ZNF704: variants seen among roughly 807,000 people sequenced by gnomAD.
The protein encoded by ZNF704 is zinc finger protein 704.
In ZNF704, 10 loss-of-function variants were observed where a neutral mutation model predicts 44.7. That is an observed-to-expected ratio of 0.22 (90% CI 0.14 to 0.38). The LOEUF (loss-of-function observed/expected upper bound fraction) is 0.38, where lower values mean the gene tolerates loss of function less well. ZNF704 is among the 10% of genes least tolerant of loss of function. ZNF704 has a pLI of 1.00. For synonymous variants in ZNF704, 211 were observed against 207.6 expected (o/e 1.02, Z -0.14); for missense variants, 390 against 545.5 (o/e 0.71, Z 2.84).
At chr8:80,696,942 GT>G (rs1818735925) in intron 2 of ZNF704, among the ~76,000 whole-genome samples, 1 of 152,188 alleles carries the variant, frequency 6.6e-6, no homozygotes, top group Non-Finnish European at 1.5e-5. Context: ...TGTCACGTTG[GT>G]GCTCAAAAAG....
chr8:80,836,655 C>A (rs950631261), intron 1 of ZNF704, among the ~76,000 whole-genome samples: 2 of 151,950 alleles, frequency 1.3e-5, no homozygotes, highest in African/African-American at 4.8e-5. Context: ...CATGGTGGTA[C>A]GTGCCTTTAG....
chr8:80,756,631 A>T (rs1807040776), intron 2 of ZNF704, among the ~76,000 whole-genome samples: 1 of 152,206 alleles, frequency 6.6e-6, no homozygotes, highest in South Asian at 2.1e-4. Flanking sequence ...CCTAAAGAAC[A>T]TGTCTTATTA....
At chr8:80,815,436 A>AC (rs1404976027) in intron 2 of ZNF704, among the ~76,000 whole-genome samples, 1 of 152,254 alleles carries the variant, frequency 6.6e-6, no homozygotes, top group African/African-American at 2.4e-5. Context: ...AAGCATCAGT[A>AC]CCTTCAAAAC....
intron 2 of ZNF704, among the ~76,000 whole-genome samples, chr8:80,713,626 G>C (rs1168285076): frequency 6.6e-6 from 1 of 152,326 alleles, no homozygotes; most frequent in East Asian, 1.9e-4. Context: ...GAAGCAGGGA[G>C]AAGAGAGATA....
At chr8:80,796,965 AAGGGAGGGAGGGAGGG>A (rs535065228) in intron 2 of ZNF704, among the ~76,000 whole-genome samples, 1 of 108,688 alleles carries the variant, frequency 9.2e-6, no homozygotes, top group Admixed American at 9.5e-5. Flanking sequence ...GAGAGAAGGA[AAGGGAGGGAGGGAGGG>A]AGGGAGGGAG....
intron 4 of ZNF704, among the ~76,000 whole-genome samples, chr8:80,672,563 T>C (rs1439316619): frequency 6.6e-6 from 1 of 152,160 alleles, no homozygotes; most frequent in Non-Finnish European, 1.5e-5. Flanking sequence ...ACATACATCA[T>C]GGAGTACTAC....
At chr8:80,642,500 C>G (rs185315284) in intron 8 of ZNF704, among the ~76,000 whole-genome samples, 7 of 152,316 alleles carry the variant, frequency 4.6e-5, no homozygotes, top group Admixed American at 1.3e-4. Flanking sequence ...GCAGGCAGGA[C>G]TGAGCTGGAT....
chr8:80,765,443 C>T (rs146562498), intron 2 of ZNF704, among the ~76,000 whole-genome samples: 1 of 152,300 alleles, frequency 6.6e-6, no homozygotes, highest in Non-Finnish European at 1.5e-5. Flanking sequence ...ATTCAGTCCA[C>T]AAGTCCACTC....
intron 2 of ZNF704, among the ~76,000 whole-genome samples, chr8:80,730,317 C>A (rs1806557454): frequency 6.6e-6 from 1 of 151,970 alleles, no homozygotes; most frequent in Non-Finnish European, 1.5e-5. Flanking sequence ...GTGGGCAGAT[C>A]ACCTGAAGTC....
chr8:80,669,031 G>T (rs192730186), intron 5 of ZNF704, among the ~76,000 whole-genome samples: 1 of 152,248 alleles, frequency 6.6e-6, no homozygotes, highest in Admixed American at 6.5e-5. Flanking sequence ...AAAGCAAAGT[G>T]GTTGCATGTT....
upstream of ZNF704, among the ~76,000 whole-genome samples, chr8:80,879,393 C>T (rs994950592): frequency 4.6e-5 from 7 of 152,168 alleles, no homozygotes; most frequent in East Asian, 3.9e-4. Flanking sequence ...TGCAACACCA[C>T]GCTCAGCTAG....
chr8:80,671,310 G>A (rs1818274753), intron 4 of ZNF704, among the ~76,000 whole-genome samples: 1 of 152,002 alleles, frequency 6.6e-6, no homozygotes, highest in Non-Finnish European at 1.5e-5. Flanking sequence ...TGTATTTTTG[G>A]TAAAGACAGG....
chr8:80,868,862 T>C (rs1809201683), intron 1 of ZNF704, among the ~76,000 whole-genome samples: 1 of 152,156 alleles, frequency 6.6e-6, no homozygotes, highest in African/African-American at 2.4e-5. Flanking sequence ...CATCATACAC[T>C]TGCCAACTCT....
intron 6 of ZNF704, among the ~76,000 whole-genome samples, chr8:80,662,128 A>G (rs978167920): frequency 3.9e-5 from 6 of 152,164 alleles, no homozygotes; most frequent in African/African-American, 1.4e-4. Flanking sequence ...GGCATGGGAA[A>G]ATGTTCATGA....
intron 1 of ZNF704, among the ~76,000 whole-genome samples, chr8:80,830,729 T>C (rs1326761269): frequency 1.3e-5 from 2 of 150,930 alleles, no homozygotes; most frequent in East Asian, 1.9e-4. Context: ...AGAGTAACTA[T>C]TGATATAGAG....
At chr8:80,713,065 T>G (rs971418534) in intron 2 of ZNF704, among the ~76,000 whole-genome samples, 3 of 151,980 alleles carry the variant, frequency 2.0e-5, no homozygotes, top group Non-Finnish European at 2.9e-5. Flanking sequence ...CCGGCTAATT[T>G]TTTATATTTT....
upstream of ZNF704, among the ~76,000 whole-genome samples, chr8:80,878,352 T>C (rs954632988): frequency 3.3e-5 from 5 of 152,138 alleles, no homozygotes; most frequent in African/African-American, 1.2e-4. Context: ...AGTGTTTTTT[T>C]AAAATTTAAG....
At chr8:80,861,832 T>C (rs185644126) in intron 1 of ZNF704, among the ~76,000 whole-genome samples, 1 of 151,950 alleles carries the variant, frequency 6.6e-6, no homozygotes, top group Admixed American at 6.6e-5. Flanking sequence ...AACAGGTATG[T>C]CAAACTTAAC....
At chr8:80,644,837 G>A in intron 7 of ZNF704, 2 of 676,718 alleles carry the variant, frequency 3.0e-6, no homozygotes, top group East Asian at 2.7e-5. Context: ...ATATCAAAGT[G>A]AGAAGCAAGA....
Sources: allele counts gnomAD v4.1 joint callset (sites outside exome capture counted in the v4.1 genomes callset), GRCh38; gene constraint gnomAD v4.1.1; transcripts MANE v1.5; gene names NCBI Gene and HGNC (gene_info 2026-07-23, HGNC 2026-07-21).